Variants in RERE observed in about 807,000 individuals in gnomAD.
RERE encodes arginine-glutamic acid dipeptide repeats protein.
RERE carries 40 observed loss-of-function variants against 146.1 expected under a neutral mutation model. The ratio of observed to expected loss-of-function variants is 0.27; its 90% CI spans 0.21 to 0.36. RERE has a LOEUF of 0.36. RERE is among the 10% of genes least tolerant of loss of function. RERE has a pLI of 1.00. For missense variants in RERE, 1,933 were observed against 2,138.7 expected, an observed-to-expected ratio of 0.90 and a Z score of 1.90; for synonymous variants, 1,003 against 866.0, an observed-to-expected ratio of 1.16 and a Z score of -2.78.
chr1:8,468,663 A>G (rs1045568701), intron 10 of RERE, among the ~76,000 whole-genome samples: 1 of 152,154 alleles, frequency 6.6e-6, no homozygotes, highest in Non-Finnish European at 1.5e-5. Flanking sequence ...TGAGGTAGGA[A>G]GATTGAGTTC....
At chr1:8,790,218 T>C (rs920674181) in intron 1 of RERE, among the ~76,000 whole-genome samples, 2 of 152,086 alleles carry the variant, frequency 1.3e-5, no homozygotes, top group Non-Finnish European at 2.9e-5. Context: ...TGTGCTCCTT[T>C]GGGACAGGAA....
At chr1:8,656,825 T>C (rs1638324747) in intron 1 of RERE, among the ~76,000 whole-genome samples, 1 of 152,196 alleles carries the variant, frequency 6.6e-6, no homozygotes. Context: ...GTAAAAATTA[T>C]TTCCAGGCCA....
intron 1 of RERE, among the ~76,000 whole-genome samples, chr1:8,703,702 CTG>C (rs1188383563): frequency 6.6e-6 from 1 of 152,234 alleles, no homozygotes; most frequent in Non-Finnish European, 1.5e-5. Flanking sequence ...CAGCGCATCC[CTG>C]TGAGTGATCA....
intron 1 of RERE, among the ~76,000 whole-genome samples, chr1:8,699,736 C>T (rs77341678): frequency 4.9e-4 from 75 of 152,260 alleles, no homozygotes; most frequent in African/African-American, 1.7e-3. Context: ...GAAATTATCA[C>T]GTTTTCTAGA....
At chr1:8,682,287 T>A (rs1296848873) in intron 1 of RERE, among the ~76,000 whole-genome samples, 1 of 152,230 alleles carries the variant, frequency 6.6e-6, no homozygotes, top group Non-Finnish European at 1.5e-5. Flanking sequence ...TTCAACTAAA[T>A]CCTATCTCAT....
At chr1:8,355,211 C>A in intron 22 of RERE, 91 bp from the exon 23 acceptor site, 1 of 1,378,226 alleles carries the variant, frequency 7.3e-7, no homozygotes. Flanking sequence ...AACAGCCAGG[C>A]AATCCAACCC....
intron 12 of RERE, among the ~76,000 whole-genome samples, chr1:8,403,118 C>T (rs747470525): frequency 1.3e-5 from 2 of 151,950 alleles, no homozygotes; most frequent in East Asian, 1.9e-4. Context: ...TGGCTGGTTG[C>T]AAATTCCTGA....
Position 8,515,383 on chromosome 1 carries a change from C to T in RERE, c.831-6708G>A, listed in dbSNP as rs574665873. On this transcript the variant is annotated intron_variant, in intron 7 of 22. Coordinates refer to ENST00000400908, the MANE Select transcript of RERE (RefSeq NM_001042681.2). ...TCTTTAAAAAAACAAACAGGCCGGG[C>T]GTGGTGGCTCACCTGAGGCAGGCAG... Among the ~76,000 whole-genome samples the T allele has an allele frequency of 4.0e-5, 6 of 151,442 alleles. No individual in the cohort carries two copies. In the South Asian group the frequency reaches 6.3e-4, roughly 16 times the overall value.
chr1:8,355,499 T>C lies in RERE; in HGVS notation c.4587A>G (p.Arg1529=), dbSNP rs768647692. 1.2e-6 allele frequency: 2 copies of C among 1,612,274 alleles called. No individual in the cohort carries two copies. Among genetic ancestry groups the C allele is most frequent in the African/African-American group, 2.7e-5 (2 of 74,852 alleles). Residue 1529 remains arginine (R), a synonymous_variant, in exon 22 of 23, where the codon AGA becomes AGG. Transcript: ENST00000400908. ...GCAGCCACTGCTGCTCCATGGCCAG[T>C]CTCTGCAGCTCGGCCGACTGGGCAT... is the stretch of plus-strand genomic sequence containing the variant. ...AMHAQSAELQ[R]LAMEQQWLHG...
intron 1 of RERE, among the ~76,000 whole-genome samples, chr1:8,793,174 A>AAAAG (rs58369389): frequency 0.46 from 57,586 of 125,028 alleles, 14,253 homozygotes; most frequent in East Asian, 0.78. Context: ...AAAAAAAAAA[A>AAAAG]AAAGAAAGAA....
Position 8,521,218 on chromosome 1 carries a change from ACAT to A in RERE, c.831-12546_831-12544del, listed in dbSNP as rs1219390901. 6.9e-4 allele frequency among the ~76,000 whole-genome samples: 105 copies of A among 151,972 alleles called. 1 individual carries two copies. Among genetic ancestry groups the A allele is most frequent in the Admixed American group, 2.0e-3 (30 of 15,272 alleles). On this transcript the variant is annotated intron_variant, in intron 7 of 22. Transcript: ENST00000400908. ...AGAACTCCAAGATGTATAAAGAAAAACATAAACACTCAAAGAGAGTAAGAAGAA... is the reference window on the plus strand; with the variant it reads ...AGAACTCCAAGATGTATAAAGAAAAAAAACACTCAAAGAGAGTAAGAAGAA...
intron 6 of RERE, among the ~76,000 whole-genome samples, chr1:8,546,485 CA>C (rs1486984213): frequency 6.6e-6 from 1 of 151,608 alleles, no homozygotes; most frequent in African/African-American, 2.4e-5. Context: ...AATATATGAC[CA>C]ATTTTTGAGA....
intron 1 of RERE, among the ~76,000 whole-genome samples, chr1:8,777,497 G>C (rs192599393): frequency 6.7e-6 from 1 of 149,562 alleles, no homozygotes; most frequent in Admixed American, 6.7e-5. Context: ...GAAGACAGTA[G>C]TTTGAGACAG....
intron 8 of RERE, among the ~76,000 whole-genome samples, chr1:8,501,871 G>A (rs1645165362): frequency 2.9e-5 from 3 of 104,714 alleles, no homozygotes; most frequent in Middle Eastern, 0.011. Flanking sequence ...CAGCCGCCCC[G>A]TCCGGGAGGC....
chr1:8,545,982 CTTTTTTTTTTTT>C (rs3050828), intron 6 of RERE, among the ~76,000 whole-genome samples: 13 of 69,468 alleles, frequency 1.9e-4, no homozygotes, highest in African/African-American at 6.0e-4. Flanking sequence ...CATACCCAGT[CTTTTTTTTTTTT>C]TTTTTTTTTT....
At chr1:8,476,329 T>C (rs1294244352) in intron 10 of RERE, among the ~76,000 whole-genome samples, 1 of 152,168 alleles carries the variant, frequency 6.6e-6, no homozygotes. Context: ...TAGGAAGATG[T>C]CCCTACCCTA....
At chr1:8,744,274 T>G (rs1169415211) in intron 1 of RERE, among the ~76,000 whole-genome samples, 1 of 152,348 alleles carries the variant, frequency 6.6e-6, no homozygotes, top group East Asian at 1.9e-4. Flanking sequence ...TTCTATGTCC[T>G]GCTAAAGCAA....
intron 1 of RERE, among the ~76,000 whole-genome samples, chr1:8,773,248 A>C (rs953291753): frequency 4.6e-5 from 7 of 152,224 alleles, no homozygotes; most frequent in African/African-American, 1.7e-4. Context: ...TCTTAACTTA[A>C]AGATCTAAAA....
rs1490488192 is a variant in RERE, at chr1:8,359,775, C to G, written c.3607G>C (p.Glu1203Gln). ...AACCCTGGACTCACAGCCGCCCGCT[C>G]TGCCTCGCGCTCCCGCTCTCGCTCC... ...EREREREREAERAAKASSSAH... is the reference protein window; with the variant it reads ...EREREREREAQRAAKASSSAH... The change falls in exon 19 of 23, where the codon GAG (glutamate) becomes CAG (glutamine). Residue 1203 changes from glutamate (E) to glutamine (Q), a missense_variant. Coordinates refer to ENST00000400908, the MANE Select transcript of RERE (RefSeq NM_001042681.2). 6.2e-7 allele frequency: 1 copy of G among 1,601,112 alleles called. No individual in the cohort carries two copies. The highest frequency in any genetic ancestry group is 2.2e-5 in the East Asian group (1 of 44,812).
Sources: gnomAD v4.1 joint callset for allele counts (sites outside exome capture counted in the v4.1 genomes callset) on GRCh38, gnomAD v4.1.1 for gene constraint, MANE v1.5 for transcripts, NCBI Gene and HGNC (gene_info 2026-07-23, HGNC 2026-07-21) for gene names.